Variants in DIAPH3 observed in about 807,000 individuals in gnomAD.
DIAPH3 encodes diaphanous related formin 3, also known as protein diaphanous homolog 3.
A neutral mutation model predicts 144.3 loss-of-function variants in DIAPH3; 117 were observed. The observed-to-expected ratio is 0.81, with a 90% confidence interval of 0.70 to 0.95. DIAPH3 has a LOEUF of 0.95. Ranked by LOEUF, DIAPH3 falls within the 40% of genes least tolerant of loss-of-function variation. The pLI is 0.00. For synonymous variants in DIAPH3, 519 were observed against 488.9 expected, an observed-to-expected ratio of 1.06 and a Z score of -0.81; for missense variants, 1,421 against 1,412.7, an observed-to-expected ratio of 1.01 and a Z score of -0.09.
chr13:59,972,204 G>A (rs1041811097), intron 15 of DIAPH3, among the ~76,000 whole-genome samples: 11 of 152,114 alleles, frequency 7.2e-5, no homozygotes, highest in Non-Finnish European at 1.6e-4. Context: ...TATGAATGAA[G>A]AGAGCACCAC....
intron 17 of DIAPH3, among the ~76,000 whole-genome samples, chr13:59,935,063 C>T (rs756788854): frequency 6.6e-6 from 1 of 152,190 alleles, no homozygotes; most frequent in East Asian, 1.9e-4. Flanking sequence ...TGCACAGGTA[C>T]ACTTATATGC....
At chr13:59,955,090 AT>A (rs1166307643) in intron 17 of DIAPH3, among the ~76,000 whole-genome samples, 2 of 151,116 alleles carry the variant, frequency 1.3e-5, no homozygotes, top group African/African-American at 4.9e-5. Flanking sequence ...GTATATATAT[AT>A]ATACATGTAT....
At chr13:60,048,661 A>G (rs1265710821) in intron 4 of DIAPH3, among the ~76,000 whole-genome samples, 3 of 85,522 alleles carry the variant, frequency 3.5e-5, no homozygotes, top group African/African-American at 1.4e-4. Flanking sequence ...CAGCAATTGC[A>G]GTTACTAGAG....
chr13:59,711,062 G>A (rs2034707998), intron 27 of DIAPH3, among the ~76,000 whole-genome samples: 1 of 152,136 alleles, frequency 6.6e-6, no homozygotes, highest in Admixed American at 6.5e-5. Context: ...TTTTAATATA[G>A]ACTTTCCACC....
At chr13:60,042,595 C>G in intron 5 of DIAPH3, 95 bp downstream of exon 5, 1 of 1,458,340 alleles carries the variant, frequency 6.9e-7, no homozygotes, top group Middle Eastern at 1.8e-4. Context: ...CTTTGAGAAA[C>G]TGTTGAGGTT....
intron 25 of DIAPH3, among the ~76,000 whole-genome samples, chr13:59,794,367 A>G (rs867400564): frequency 3.3e-5 from 5 of 152,208 alleles, no homozygotes; most frequent in African/African-American, 1.2e-4. Flanking sequence ...TCAAAACACT[A>G]TGAGTCCTTT....
intron 3 of DIAPH3, among the ~76,000 whole-genome samples, chr13:60,111,768 G>A (rs772592052): frequency 5.3e-5 from 8 of 152,084 alleles, no homozygotes; most frequent in South Asian, 2.1e-4. Flanking sequence ...AAAATATACC[G>A]TTCGATACTT....
intron 20 of DIAPH3, among the ~76,000 whole-genome samples, chr13:59,892,734 A>G (rs2045883416): frequency 6.6e-6 from 1 of 152,140 alleles, no homozygotes; most frequent in South Asian, 2.1e-4. Flanking sequence ...CAAAGAATAG[A>G]TGAGATAAAT....
intron 21 of DIAPH3, among the ~76,000 whole-genome samples, chr13:59,874,015 T>C (rs900782829): frequency 1.3e-5 from 2 of 152,186 alleles, no homozygotes; most frequent in Admixed American, 6.5e-5. Flanking sequence ...GTTTCGTTTT[T>C]GTCGTGGCTT....
chr13:60,014,713 C>G (rs1020220068), intron 7 of DIAPH3, among the ~76,000 whole-genome samples: 1 of 152,022 alleles, frequency 6.6e-6, no homozygotes, highest in African/African-American at 2.4e-5. Context: ...TATACAGATG[C>G]TTTTGCTATA....
intron 23 of DIAPH3, 163 bp downstream of exon 23, chr13:59,839,161 G>T: frequency 1.5e-6 from 1 of 678,128 alleles, no homozygotes; most frequent in Non-Finnish European, 2.5e-6. Context: ...ATTCATGATT[G>T]ACAGACACTT....
intron 20 of DIAPH3, among the ~76,000 whole-genome samples, chr13:59,882,246 G>A (rs1275835123): frequency 2.6e-5 from 4 of 151,908 alleles, no homozygotes; most frequent in African/African-American, 7.3e-5. Context: ...GAGCCACCAC[G>A]CCCGGCTAAT....
intron 25 of DIAPH3, among the ~76,000 whole-genome samples, chr13:59,789,148 T>C (rs1018679328): frequency 3.9e-5 from 6 of 152,210 alleles, no homozygotes; most frequent in African/African-American, 1.4e-4. Flanking sequence ...GGGGGGAATG[T>C]ATCTATTTAA....
At chr13:60,091,448 C>T (rs1416479513) in intron 4 of DIAPH3, among the ~76,000 whole-genome samples, 1 of 151,714 alleles carries the variant, frequency 6.6e-6, no homozygotes, top group East Asian at 2.0e-4. Context: ...CAGGCATATG[C>T]CACCACACCC....
chr13:59,725,585 G>C (rs2075597159), intron 27 of DIAPH3, among the ~76,000 whole-genome samples: 1 of 152,158 alleles, frequency 6.6e-6, no homozygotes, highest in Admixed American at 6.5e-5. Context: ...CTTGCAGCAA[G>C]ACTATTTGAC....
intron 23 of DIAPH3, among the ~76,000 whole-genome samples, chr13:59,836,629 A>C (rs1365371622): frequency 1.3e-5 from 2 of 151,946 alleles, no homozygotes; most frequent in East Asian, 3.8e-4. Context: ...AAAATTTCAC[A>C]TTACAATAAA....
At position 59,833,160 on chromosome 13, in the gene DIAPH3, C is replaced by T. The variant is rs200914646; in HGVS notation, c.2974G>A (p.Val992Met). 1 of 1,610,832 alleles carries T rather than the reference C, an allele frequency of 6.2e-7. No homozygotes were observed. The highest frequency in any genetic ancestry group is 8.5e-7 in the Non-Finnish European group (1 of 1,178,074). ...TCAGTAAGAAAGTCTTCCACAGACA[C>T]CTTCTTCACATCAATGGCATAGTAT... ...IGYYAIDVKK[V>M]SVEDFLTDLN... Residue 992 changes from valine to methionine, a missense_variant, in exon 24 of 28, where the codon GTG (valine) becomes ATG (methionine). Coordinates refer to ENST00000400324, the MANE Select transcript of DIAPH3 (RefSeq NM_001042517.2).
At chr13:60,061,862 G>T (rs372609690) in intron 4 of DIAPH3, among the ~76,000 whole-genome samples, 12 of 152,060 alleles carry the variant, frequency 7.9e-5, no homozygotes, top group African/African-American at 2.9e-4. Context: ...CTTAACTCCG[G>T]GGGGTGAGGG....
intron 24 of DIAPH3, among the ~76,000 whole-genome samples, chr13:59,825,309 T>C (rs1035119275): frequency 1.3e-5 from 2 of 152,152 alleles, no homozygotes; most frequent in Non-Finnish European, 2.9e-5. Context: ...GTCCTTGCGA[T>C]AGTTTACTGA....
Sources: allele counts gnomAD v4.1 joint callset (sites outside exome capture counted in the v4.1 genomes callset), GRCh38; gene constraint gnomAD v4.1.1; transcripts MANE v1.5; gene names NCBI Gene and HGNC (gene_info 2026-07-23, HGNC 2026-07-21).